ATXN7L1: variants seen among roughly 807,000 people sequenced by gnomAD.
The protein encoded by ATXN7L1 is ataxin 7 like 1, also known as ataxin-7-like protein 1.
ATXN7L1 carries 15 observed loss-of-function variants against 70.8 expected under a neutral mutation model. The ratio of observed to expected loss-of-function variants is 0.21; its 90% CI spans 0.14 to 0.33. The LOEUF (loss-of-function observed/expected upper bound fraction) is 0.33, where lower values mean the gene tolerates loss of function less well. Among genes scored for constraint, ATXN7L1 ranks in the 10% least tolerant of loss-of-function variants. The pLI, the probability that ATXN7L1 is intolerant of heterozygous loss-of-function variation, is 1.00. For synonymous variants in ATXN7L1, 440 were observed against 445.1 expected, an observed-to-expected ratio of 0.99 and a Z score of 0.14; for missense variants, 975 against 1,097.1, an observed-to-expected ratio of 0.89 and a Z score of 1.57.
chr7:105,621,814 G>A (rs146888291), intron 8 of ATXN7L1, among the ~76,000 whole-genome samples: 45 of 152,288 alleles, frequency 3.0e-4, no homozygotes, highest in Non-Finnish European at 5.6e-4. Flanking sequence ...CCACAAACCC[G>A]TCCTGGAACC....
At chr7:105,641,563 C>T (rs914036276) in intron 5 of ATXN7L1, among the ~76,000 whole-genome samples, 7 of 152,268 alleles carry the variant, frequency 4.6e-5, no homozygotes, top group East Asian at 1.9e-4. Flanking sequence ...CTGGAAGCCA[C>T]GGCCGTGCTT....
intron 3 of ATXN7L1, among the ~76,000 whole-genome samples, chr7:105,751,753 A>G (rs1799240701): frequency 6.6e-6 from 1 of 152,186 alleles, no homozygotes; most frequent in Non-Finnish European, 1.5e-5. Context: ...CCCATTTACC[A>G]CTAGACTTGA....
intron 3 of ATXN7L1, among the ~76,000 whole-genome samples, chr7:105,742,037 C>T (rs1170167165): frequency 6.6e-6 from 1 of 152,176 alleles, no homozygotes; most frequent in East Asian, 1.9e-4. Context: ...TTAAGATATC[C>T]AGATTGTGGC....
At chr7:105,759,473 TG>T (rs1800259371) in intron 3 of ATXN7L1, among the ~76,000 whole-genome samples, 1 of 114,802 alleles carries the variant, frequency 8.7e-6, no homozygotes, top group African/African-American at 4.5e-5. Flanking sequence ...TGTGTGTGTG[TG>T]TGTGTGTGTG....
chr7:105,853,132 T>A (rs1450761773), intron 2 of ATXN7L1, among the ~76,000 whole-genome samples: 1 of 152,212 alleles, frequency 6.6e-6, no homozygotes, highest in African/African-American at 2.4e-5. Flanking sequence ...ATAGAAAAGT[T>A]CTGGAAATGC....
chr7:105,756,366 G>C (rs917259555), intron 3 of ATXN7L1, among the ~76,000 whole-genome samples: 2 of 152,164 alleles, frequency 1.3e-5, no homozygotes, highest in African/African-American at 4.8e-5. Context: ...ATGAGACAGA[G>C]AGAAAAATGT....
chr7:105,729,746 T>C (rs1200094344), intron 3 of ATXN7L1, among the ~76,000 whole-genome samples: 2 of 150,156 alleles, frequency 1.3e-5, no homozygotes, highest in Non-Finnish European at 3.0e-5. Flanking sequence ...CTTTTTTTTT[T>C]TTTTTTTCTG....
chr7:105,872,259 T>A (rs1818383395), intron 2 of ATXN7L1, among the ~76,000 whole-genome samples: 1 of 152,220 alleles, frequency 6.6e-6, no homozygotes, highest in Non-Finnish European at 1.5e-5. Flanking sequence ...CCCAAAGTGT[T>A]GGGATTACAG....
rs146681121 is a variant in ATXN7L1 at position 105,726,193 on chromosome 7, C to T, written c.356-60905G>A. Among the ~76,000 whole-genome samples, 10 of 152,294 alleles carry T rather than the reference C, an allele frequency of 6.6e-5. No homozygotes were observed. In the East Asian group the frequency reaches 1.5e-3, roughly 24 times the overall value. ...CTAGGATTACAGGTGTGAACCACTGCGCCCGGCCCTAATTTCCATTTCTGA... is the reference window on the plus strand; with the variant it reads ...CTAGGATTACAGGTGTGAACCACTGTGCCCGGCCCTAATTTCCATTTCTGA... On this transcript the variant is annotated intron_variant, in intron 3 of 11. Transcript: ENST00000419735.
intron 3 of ATXN7L1, among the ~76,000 whole-genome samples, chr7:105,772,559 T>C (rs935327059): frequency 2.0e-5 from 3 of 152,166 alleles, no homozygotes; most frequent in African/African-American, 2.4e-5. Flanking sequence ...AAAGCATTAA[T>C]AGGCACAAAG....
chr7:105,837,340 C>T (rs1438043097), intron 2 of ATXN7L1, among the ~76,000 whole-genome samples: 2 of 151,998 alleles, frequency 1.3e-5, no homozygotes, highest in African/African-American at 4.8e-5. Flanking sequence ...CTACAATGCC[C>T]TAAGATGCAC....
chr7:105,761,150 TG>T, intron 3 of ATXN7L1: 1 of 1,247,952 alleles, frequency 8.0e-7, no homozygotes, highest in South Asian at 2.5e-5. Context: ...ACCAGCTTTG[TG>T]GTGGTGAAAA....
chr7:105,810,480 G>A (rs1808270682), intron 2 of ATXN7L1, among the ~76,000 whole-genome samples: 1 of 152,230 alleles, frequency 6.6e-6, no homozygotes, highest in South Asian at 2.1e-4. Context: ...CAAAACACTG[G>A]TGCTGGGAAG....
chr7:105,723,355 G>A lies in ATXN7L1; in HGVS notation c.356-58067C>T, dbSNP rs77592107. On this transcript the variant is annotated intron_variant, in intron 3 of 11. Transcript: ENST00000419735. ...CTAAATATGTGAATACATATCAAGC[G>A]CTCAGAAAACTTCCTGGCACACAGT... 1.2e-3 allele frequency among the ~76,000 whole-genome samples: 188 copies of A among 152,156 alleles called. 2 individuals carry two copies. The highest frequency in any genetic ancestry group is 2.5e-3 in the Admixed American group (38 of 15,280).
intron 3 of ATXN7L1, among the ~76,000 whole-genome samples, chr7:105,714,573 C>T (rs1187717823): frequency 2.6e-5 from 4 of 152,178 alleles, no homozygotes; most frequent in Admixed American, 2.6e-4. Flanking sequence ...TCTTGAATGC[C>T]TGGGTCCCCT....
At chr7:105,761,315 C>T in intron 3 of ATXN7L1, 1 of 1,609,600 alleles carries the variant, frequency 6.2e-7, no homozygotes, top group Non-Finnish European at 8.5e-7. Context: ...GAAGCCGTCT[C>T]CAGACAATGC....
chr7:105,795,585 T>C (rs1172726422), intron 2 of ATXN7L1, among the ~76,000 whole-genome samples: 2 of 152,144 alleles, frequency 1.3e-5, no homozygotes, highest in African/African-American at 4.8e-5. Context: ...GCTCAAATGA[T>C]GAAAACCTTA....
At chr7:105,669,258 T>A (rs376737102) in intron 3 of ATXN7L1, among the ~76,000 whole-genome samples, 1 of 152,162 alleles carries the variant, frequency 6.6e-6, no homozygotes, top group African/African-American at 2.4e-5. Flanking sequence ...ATTTTTGTAT[T>A]TTTAGTAGAG....
intron 4 of ATXN7L1, among the ~76,000 whole-genome samples, chr7:105,647,065 T>C (rs1368587642): frequency 6.6e-6 from 1 of 152,236 alleles, no homozygotes; most frequent in Non-Finnish European, 1.5e-5. Context: ...CTTCAAGTGT[T>C]GATATGAACA....
Sources: gnomAD v4.1 joint callset for allele counts (sites outside exome capture counted in the v4.1 genomes callset) on GRCh38, gnomAD v4.1.1 for gene constraint, MANE v1.5 for transcripts, NCBI Gene and HGNC (gene_info 2026-07-23, HGNC 2026-07-21) for gene names.